The following WWC2 variants were observed in gnomAD, a reference collection of about 807,000 sequenced individuals.
WWC2 encodes protein WWC2.
In WWC2, 101 loss-of-function variants were observed where a neutral mutation model predicts 138.5. The ratio of observed to expected loss-of-function variants is 0.73; its 90% confidence interval spans 0.62 to 0.86. The LOEUF (loss-of-function observed/expected upper bound fraction) is 0.86. Ranked by LOEUF, WWC2 falls within the 40% of genes least tolerant of loss-of-function variation. The probability of loss-of-function intolerance (pLI) is 0.00; values close to 1 mark genes in which losing one functional copy is unlikely to be tolerated. For missense variants in WWC2, 1,420 were observed against 1,419.4 expected (o/e 1.00, Z -0.01); for synonymous variants, 558 against 538.4 (o/e 1.04, Z -0.50).
intron 8 of WWC2, among the ~76,000 whole-genome samples, chr4:183,251,593 G>A (rs996421326): frequency 4.1e-4 from 62 of 152,014 alleles, no homozygotes; most frequent in African/African-American, 1.5e-3. Context: ...TTTAAGACCT[G>A]CCTAATGTCT....
intron 16 of WWC2, among the ~76,000 whole-genome samples, chr4:183,273,263 T>C (rs1476263306): frequency 6.6e-6 from 1 of 152,034 alleles, no homozygotes; most frequent in Non-Finnish European, 1.5e-5. Context: ...TCACATTCTT[T>C]GTCTATTTTT....
intron 1 of WWC2, among the ~76,000 whole-genome samples, chr4:183,154,023 A>AC (rs1733724642): frequency 2.7e-5 from 4 of 150,408 alleles, no homozygotes; most frequent in African/African-American, 9.8e-5. Context: ...AAAAAAAAAA[A>AC]AAAAACCCCA....
rs765451243 is a variant in WWC2 at position 183,208,108 on chromosome 4, G to A, written c.397G>A (p.Val133Met). ...GCTGGCGCTGGCCCTGGATGAATAC[G>A]TGCGATTAAATGATGCCTATAAGGA... ...QRLALALDEY[V>M]RLNDAYKEKS... The change falls in exon 3 of 23, where the codon GTG becomes ATG. Residue 133 changes from valine (V) to methionine (M), a missense_variant. Physicochemically the swap from Val to Met is conservative, Grantham distance 21 (BLOSUM62 1). Transcript: ENST00000403733. 94 of 1,613,652 alleles carry A rather than the reference G, an allele frequency of 5.8e-5. No individual in the cohort carries two copies. Among genetic ancestry groups the A allele is most frequent in the Admixed American group, 1.0e-4 (6 of 59,992 alleles).
At chr4:183,192,897 G>A (rs1465451541) in intron 1 of WWC2, among the ~76,000 whole-genome samples, 1 of 152,164 alleles carries the variant, frequency 6.6e-6, no homozygotes, top group Non-Finnish European at 1.5e-5. Context: ...CCTGTACTCT[G>A]CTTAGGAAAC....
Position 183,099,382 on chromosome 4 carries a change from C to T in WWC2, c.-110C>T, listed in dbSNP as rs1743080638. The stretch of plus-strand genomic sequence containing the variant: ...CCCCGCGCCCTGCGCCCCTCAGCCC[C>T]TCGCCGGCGCCCGCGTCGCGGGTTG... On this transcript the variant is annotated 5_prime_UTR_variant, in exon 1 of 23. Transcript: ENST00000403733. The T allele has an allele frequency of 1.8e-6, 2 of 1,126,582 alleles. No individual in the cohort carries two copies. The highest frequency in any genetic ancestry group is 2.2e-6 in the Non-Finnish European group (2 of 912,408). The allele number at this position is 1,126,582 out of a possible 1,614,324, so 69.8% of individuals were successfully genotyped here. A position where few individuals can be genotyped will look rare whatever the true frequency, so the allele number is the denominator to read the frequency against.
chr4:183,188,111 A>G (rs776065620), intron 1 of WWC2, among the ~76,000 whole-genome samples: 14 of 152,218 alleles, frequency 9.2e-5, no homozygotes, highest in Non-Finnish European at 1.6e-4. Flanking sequence ...CAGACACCCA[A>G]AAGGGCTCAT....
chr4:183,099,399 C>A lies in WWC2; in HGVS notation c.-93C>A. ...CTCAGCCCCTCGCCGGCGCCCGCGT[C>A]GCGGGTTGGCAGCCTAGCCCGGCAG... is the stretch of plus-strand genomic sequence containing the variant. On this transcript the variant is annotated 5_prime_UTR_variant, in exon 1 of 23. Transcript: ENST00000403733. 8.6e-7 allele frequency: 1 copy of A among 1,156,262 alleles called. No individual in the cohort carries two copies. The highest frequency in any genetic ancestry group is 4.3e-5 in the South Asian group (1 of 23,452). 71.6% of individuals were successfully genotyped at this position (1,156,262 alleles called of 1,614,324 possible).
At chr4:183,213,686 T>C (rs376468109) in intron 4 of WWC2, among the ~76,000 whole-genome samples, 83 of 152,326 alleles carry the variant, frequency 5.4e-4, no homozygotes, top group African/African-American at 1.9e-3. Context: ...CGATACCTTA[T>C]TTTTATTTGT....
intron 18 of WWC2, 98 bp from the exon 19 acceptor site, chr4:183,284,128 C>CT: frequency 9.0e-6 from 13 of 1,450,602 alleles, no homozygotes; most frequent in Non-Finnish European, 1.2e-5. Flanking sequence ...CTCCATGAGT[C>CT]TCTGTTGTAA....
chr4:183,246,443 G>A (rs759856130), intron 6 of WWC2, among the ~76,000 whole-genome samples: 2 of 152,068 alleles, frequency 1.3e-5, no homozygotes, highest in Non-Finnish European at 2.9e-5. Flanking sequence ...CAAAATATTA[G>A]TTGAATATAG....
chr4:183,099,734 C>G, intron 1 of WWC2, 112 bp downstream of exon 1: 2 of 1,062,748 alleles, frequency 1.9e-6, no homozygotes, highest in Non-Finnish European at 2.3e-6. Context: ...CCCGAGGGGT[C>G]CCGGGAGGGA....
At position 183,269,048 on chromosome 4, in the gene WWC2, A is replaced by C; in HGVS notation, c.2285A>C (p.Glu762Ala). Residue 762 changes from glutamate to alanine, a missense_variant, in exon 15 of 23, where the codon GAA becomes GCA. Transcript: ENST00000403733. Reference protein sequence around the residue: ...LFRTKVHPPTESILFNDVFRV... With the variant: ...LFRTKVHPPTASILFNDVFRV... Reference sequence around the variant, plus strand: ...CGCACAAAAGTTCATCCGCCCACAGAATCCATTTTATTCAATGATGTGTTC... The same window carrying C: ...CGCACAAAAGTTCATCCGCCCACAGCATCCATTTTATTCAATGATGTGTTC... The C allele has an allele frequency of 6.2e-7, 1 of 1,613,914 alleles. No individual in the cohort carries two copies. The highest frequency in any genetic ancestry group is 1.1e-5 in the South Asian group (1 of 91,068).
intron 1 of WWC2, among the ~76,000 whole-genome samples, chr4:183,129,040 CAA>C (rs897921943): frequency 1.4e-4 from 22 of 152,266 alleles, no homozygotes; most frequent in Middle Eastern, 3.4e-3. Context: ...TCAACATAAG[CAA>C]AGAGTGTGAC....
chr4:183,193,231 A>T (rs1252249777), intron 1 of WWC2, among the ~76,000 whole-genome samples: 2 of 152,244 alleles, frequency 1.3e-5, no homozygotes, highest in Non-Finnish European at 2.9e-5. Flanking sequence ...TGCTACTGAT[A>T]GGATTTTCAT....
intron 1 of WWC2, among the ~76,000 whole-genome samples, chr4:183,106,555 C>T (rs559042256): frequency 6.6e-6 from 1 of 152,246 alleles, no homozygotes; most frequent in Non-Finnish European, 1.5e-5. Context: ...ACAAACGACC[C>T]CTTACCTATT....
At chr4:183,137,342 T>G (rs536418281) in intron 1 of WWC2, among the ~76,000 whole-genome samples, 1 of 152,180 alleles carries the variant, frequency 6.6e-6, no homozygotes, top group Non-Finnish European at 1.5e-5. Flanking sequence ...TTTCTTTGTG[T>G]CCTTGTTCTA....
intron 1 of WWC2, among the ~76,000 whole-genome samples, chr4:183,118,400 T>A (rs1732494835): frequency 6.6e-6 from 1 of 152,196 alleles, no homozygotes; most frequent in Admixed American, 6.5e-5. Flanking sequence ...GCTGCACTTT[T>A]TTTTTCTGTC....
chr4:183,124,536 CTTTTTTTT>C (rs370409813), intron 1 of WWC2, among the ~76,000 whole-genome samples: 1 of 122,810 alleles, frequency 8.1e-6, no homozygotes, highest in South Asian at 2.6e-4. Flanking sequence ...TCCTTTTTCT[CTTTTTTTT>C]TTTTTTTTGC....
chr4:183,237,370 A>G (rs1399398655), intron 4 of WWC2, among the ~76,000 whole-genome samples: 3 of 152,110 alleles, frequency 2.0e-5, no homozygotes, highest in Admixed American at 2.0e-4. Flanking sequence ...TGCTGTTCTA[A>G]ATAGAAATAC....
Sources: allele counts gnomAD v4.1 joint callset (sites outside exome capture counted in the v4.1 genomes callset), GRCh38; gene constraint gnomAD v4.1.1; transcripts MANE v1.5; gene names NCBI Gene and HGNC (gene_info 2026-07-23, HGNC 2026-07-21).